RBFOX3: variants seen among roughly 807,000 people sequenced by gnomAD.
RBFOX3 encodes RNA binding protein fox-1 homolog 3.
In RBFOX3, 17 loss-of-function variants were observed where a neutral mutation model predicts 48.7. The ratio of observed to expected loss-of-function variants is 0.35; its 90% confidence interval spans 0.24 to 0.52. The LOEUF (loss-of-function observed/expected upper bound fraction) is 0.52, where lower values mean the gene tolerates loss of function less well. Ranked by LOEUF, RBFOX3 falls within the 20% of genes least tolerant of loss-of-function variation. The probability of loss-of-function intolerance (pLI) is 0.94; values close to 1 mark genes in which losing one functional copy is unlikely to be tolerated. For missense variants in RBFOX3, 382 were observed against 497.5 expected (o/e 0.77, Z 2.21); for synonymous variants, 212 against 209.5 (o/e 1.01, Z -0.10).
intron 4 of RBFOX3, among the ~76,000 whole-genome samples, chr17:79,217,034 C>T (rs142214829): frequency 0.012 from 1,866 of 152,312 alleles, 31 homozygotes; most frequent in African/African-American, 0.041. Flanking sequence ...GGGGGCCCCC[C>T]ACTCTGGGCC....
chr17:79,568,810 A>G (rs1897412773), intron 1 of RBFOX3, among the ~76,000 whole-genome samples: 1 of 151,968 alleles, frequency 6.6e-6, no homozygotes, highest in African/African-American at 2.4e-5. Flanking sequence ...CCTGTGTCCC[A>G]CTCACCACCA....
chr17:79,443,139 C>T lies in RBFOX3; in HGVS notation c.-175+39315G>A, dbSNP rs1404614640. Among the ~76,000 whole-genome samples the T allele has an allele frequency of 2.0e-5, 3 of 152,198 alleles. No individual in the cohort carries two copies. The highest frequency in any genetic ancestry group is 4.1e-4 in the South Asian group (2 of 4,830). On this transcript the variant is annotated intron_variant, in intron 2 of 14. Coordinates refer to ENST00000693108, the MANE Select transcript of RBFOX3 (RefSeq NM_001350451.2). This position sits in a 1 kb window ranked among gnomAD's most constrained non-coding sequence, Gnocchi z 4.4. ...AAAACCGGAGCTCAGCCTCCCATGT[C>T]GCCTCCCCAACCAGCCACCTGGGAA...
chr17:79,453,337 G>A (rs1379667023), intron 2 of RBFOX3, among the ~76,000 whole-genome samples: 5 of 152,236 alleles, frequency 3.3e-5, no homozygotes, highest in Admixed American at 2.6e-4. Context: ...TGTGTGGCCA[G>A]CAGAGATGGC....
chr17:79,569,160 T>G (rs879083453), intron 1 of RBFOX3, among the ~76,000 whole-genome samples: 8 of 151,788 alleles, frequency 5.3e-5, no homozygotes, highest in Admixed American at 5.2e-4. Flanking sequence ...TATCAAATGT[T>G]GTGCACCCAT....
At chr17:79,416,358 G>A (rs1480611744) in intron 2 of RBFOX3, among the ~76,000 whole-genome samples, 6 of 152,234 alleles carry the variant, frequency 3.9e-5, no homozygotes, top group Non-Finnish European at 8.8e-5. Flanking sequence ...TCTGCCCACC[G>A]CCAAGCCCAA....
At chr17:79,664,377 G>A in the RBFOX3 span, among the ~76,000 whole-genome samples, 14 of 146,056 alleles carry the variant, frequency 9.6e-5, no homozygotes, top group East Asian at 1.2e-3. Flanking sequence ...ATGGAGTCTC[G>A]CTCTGTCGCC....
chr17:79,175,315 C>G (rs998600600), intron 4 of RBFOX3, among the ~76,000 whole-genome samples: 1 of 152,222 alleles, frequency 6.6e-6, no homozygotes, highest in Admixed American at 6.5e-5. Context: ...AGGGAGCTCA[C>G]GCTAGGCCAC....
At chr17:79,580,519 T>C (rs1318853515) in intron 1 of RBFOX3, among the ~76,000 whole-genome samples, 1 of 151,986 alleles carries the variant, frequency 6.6e-6, no homozygotes, top group Non-Finnish European at 1.5e-5. Context: ...CGGTGCTCAG[T>C]GAATTAAACC....
At chr17:79,645,711 C>A in the RBFOX3 span, among the ~76,000 whole-genome samples, 10 of 152,330 alleles carry the variant, frequency 6.6e-5, no homozygotes, top group South Asian at 4.1e-4. Flanking sequence ...TGGACCGCAG[C>A]GGCCTCCTTC....
intron 2 of RBFOX3, among the ~76,000 whole-genome samples, chr17:79,342,680 G>T (rs930595774): frequency 3.9e-5 from 6 of 152,232 alleles, no homozygotes; most frequent in Admixed American, 3.3e-4. Flanking sequence ...GCTTTGTGCG[G>T]AAAGGCAGAG....
At chr17:79,232,224 C>T (rs751760736) in intron 4 of RBFOX3, among the ~76,000 whole-genome samples, 9 of 152,204 alleles carry the variant, frequency 5.9e-5, no homozygotes, top group Non-Finnish European at 8.8e-5. Context: ...AGATTCAATT[C>T]AATCCCGATC....
chr17:79,116,503 G>A (rs1055491042), intron 4 of RBFOX3, among the ~76,000 whole-genome samples: 11 of 152,366 alleles, frequency 7.2e-5, no homozygotes, highest in Non-Finnish European at 1.5e-4. Flanking sequence ...TGATGAGAGC[G>A]AAACTTCATC....
In RBFOX3 at chr17:79,097,436, G is replaced by A. The variant is rs1459922036; in HGVS notation, c.623-12C>T. 2 of 1,538,818 alleles carry A rather than the reference G, an allele frequency of 1.3e-6. No homozygotes were observed. Among genetic ancestry groups the A allele is most frequent in the Non-Finnish European group, 1.8e-6 (2 of 1,140,276 alleles). ...GGGGAACCCCGTCACTGCAGGAAAC[G>A]GGGCCCGAGACACGTGTGAGAGGCA... On this transcript the variant is annotated splice_polypyrimidine_tract_variant and intron_variant, in intron 10 of 14. Coordinates refer to ENST00000693108, the MANE Select transcript of RBFOX3 (RefSeq NM_001350451.2).
chr17:79,656,683 G>GAA, the RBFOX3 span, among the ~76,000 whole-genome samples: 1,372 of 39,290 alleles, frequency 0.035, 40 homozygotes, highest in Middle Eastern at 0.095. Context: ...GAAGGAAGGA[G>GAA]GGAAGGAAGG....
At chr17:79,294,413 T>C (rs1021697746) in intron 3 of RBFOX3, among the ~76,000 whole-genome samples, 55 of 152,242 alleles carry the variant, frequency 3.6e-4, no homozygotes, top group African/African-American at 1.3e-3. Flanking sequence ...CGGGCTCAAG[T>C]CATTCTCTTG....
chr17:79,369,571 TG>T (rs767346024), intron 2 of RBFOX3, among the ~76,000 whole-genome samples: 4 of 152,156 alleles, frequency 2.6e-5, no homozygotes, highest in Non-Finnish European at 5.9e-5. Flanking sequence ...GTGTGTGTTC[TG>T]GGGCATGGTT....
At chr17:79,409,399 T>C (rs752493036) in intron 2 of RBFOX3, among the ~76,000 whole-genome samples, 9 of 152,252 alleles carry the variant, frequency 5.9e-5, no homozygotes, top group African/African-American at 1.2e-4. Context: ...GATAGTTCCA[T>C]GTCCAACTTT....
At chr17:79,120,420 T>C (rs1182537968) in intron 4 of RBFOX3, among the ~76,000 whole-genome samples, 1 of 148,748 alleles carries the variant, frequency 6.7e-6, no homozygotes, top group African/African-American at 2.5e-5. Context: ...AAAGGGTGGG[T>C]AGATGAGTGG....
chr17:79,417,942 G>A (rs1428087154), intron 2 of RBFOX3, among the ~76,000 whole-genome samples: 1 of 152,224 alleles, frequency 6.6e-6, no homozygotes, highest in Non-Finnish European at 1.5e-5. Context: ...GGGACATGAC[G>A]CTGAGTGAAG....
Sources: allele counts gnomAD v4.1 joint callset (sites outside exome capture counted in the v4.1 genomes callset), GRCh38; gene constraint gnomAD v4.1.1; non-coding constraint Gnocchi (gnomAD v3.1); transcripts MANE v1.5; gene names NCBI Gene and HGNC (gene_info 2026-07-23, HGNC 2026-07-21).